CACNB4: variants seen among roughly 807,000 people sequenced by gnomAD.
CACNB4 encodes the protein calcium voltage-gated channel auxiliary subunit beta 4.
In CACNB4, 32 loss-of-function variants were observed where a neutral mutation model predicts 71.2. The ratio of observed to expected loss-of-function variants is 0.45; its 90% CI spans 0.34 to 0.60. The LOEUF (loss-of-function observed/expected upper bound fraction) is 0.60. Among genes scored for constraint, CACNB4 ranks in the 20% least tolerant of loss-of-function variants. The pLI is 0.01. For synonymous variants in CACNB4, 231 were observed against 236.9 expected (o/e 0.97, Z 0.23); for missense variants, 464 against 647.9 (o/e 0.72, Z 3.08).
intron 2 of CACNB4, among the ~76,000 whole-genome samples, chr2:152,097,658 C>T (rs1040302196): frequency 3.9e-5 from 6 of 152,170 alleles, no homozygotes; most frequent in Non-Finnish European, 5.9e-5. Context: ...AGACAATTCG[C>T]ACTAGAACCA....
chr2:151,896,426 T>C (rs115862394), intron 2 of CACNB4, among the ~76,000 whole-genome samples: 1,556 of 152,340 alleles, frequency 0.01, 22 homozygotes, highest in African/African-American at 0.035. Flanking sequence ...GTAAGAGCTA[T>C]GCCTACCCCT....
At position 151,874,836 on chromosome 2, in the gene CACNB4, T is replaced by G. The variant is rs1214576567; in HGVS notation, c.521+1590A>C. 7.6e-6 allele frequency: 3 copies of G among 396,428 alleles called. No homozygotes were observed. The East Asian group carries it at 1.1e-4, about 14-fold the overall frequency. 24.6% of individuals were successfully genotyped at this position (396,428 alleles called of 1,614,324 possible). On this transcript the variant is annotated intron_variant, in intron 5 of 13. Coordinates refer to ENST00000539935, the MANE Select transcript of CACNB4 (RefSeq NM_000726.5). Reference sequence around the variant, plus strand: ...TGATTTGGTTTCTCTTCTGTCAAGCTGTGCTTGTGTTCCTGGGACCTTTAA... The same window carrying G: ...TGATTTGGTTTCTCTTCTGTCAAGCGGTGCTTGTGTTCCTGGGACCTTTAA...
chr2:151,895,121 C>A (rs1283831093), intron 2 of CACNB4, among the ~76,000 whole-genome samples: 3 of 150,690 alleles, frequency 2.0e-5, no homozygotes, highest in African/African-American at 7.3e-5. Flanking sequence ...CACACACACA[C>A]ACACACACAC....
At chr2:151,877,249 A>G (rs1423815685) in intron 4 of CACNB4, among the ~76,000 whole-genome samples, 1 of 152,088 alleles carries the variant, frequency 6.6e-6, no homozygotes, top group Non-Finnish European at 1.5e-5. Flanking sequence ...CTCTGTTACA[A>G]TTAGTTGAAT....
intron 2 of CACNB4, among the ~76,000 whole-genome samples, chr2:152,016,987 T>C (rs1200920197): frequency 1.3e-5 from 2 of 150,660 alleles, no homozygotes; most frequent in Non-Finnish European, 1.5e-5. Flanking sequence ...TTGTTAAAGG[T>C]AGAACTGCAA....
intron 9 of CACNB4, chr2:151,867,084 T>C (rs1025088313): frequency 6.6e-6 from 1 of 152,244 alleles, no homozygotes; most frequent in African/African-American, 2.4e-5. Context: ...CGTATAAGTA[T>C]GTTATAGACC....
intron 2 of CACNB4, among the ~76,000 whole-genome samples, chr2:152,028,357 C>G (rs1005479378): frequency 1.3e-5 from 2 of 152,112 alleles, no homozygotes; most frequent in African/African-American, 2.4e-5. Flanking sequence ...TCATCAGGGC[C>G]CAGATTTACA....
intron 2 of CACNB4, among the ~76,000 whole-genome samples, chr2:151,904,990 A>G (rs1368650411): frequency 6.6e-6 from 1 of 152,190 alleles, no homozygotes; most frequent in Non-Finnish European, 1.5e-5. Flanking sequence ...TTTTTCAAAA[A>G]GAAGAACTAG....
At chr2:151,931,433 T>G (rs1410794172) in intron 2 of CACNB4, among the ~76,000 whole-genome samples, 1 of 152,210 alleles carries the variant, frequency 6.6e-6, no homozygotes, top group Non-Finnish European at 1.5e-5. Context: ...GGCCTGCTTA[T>G]CCAGTCTAGT....
At chr2:151,930,303 G>A (rs2099861324) in intron 2 of CACNB4, among the ~76,000 whole-genome samples, 1 of 152,052 alleles carries the variant, frequency 6.6e-6, no homozygotes, top group Non-Finnish European at 1.5e-5. Context: ...GGCTTTTGGG[G>A]CGAAAAAGTT....
In CACNB4 at chr2:151,913,159, AT is replaced by A. The variant is rs567199149; in HGVS notation, c.148-29790del. ...GTCTTTTAATTGGGGCATTTAGCCC[AT>A]TTACACTTAAGGTTAGTATTGCTAT... is the stretch of plus-strand genomic sequence containing the variant. On this transcript the variant is annotated intron_variant, in intron 2 of 13. Transcript: ENST00000539935. 3.3e-4 allele frequency among the ~76,000 whole-genome samples: 51 copies of A among 152,298 alleles called. No homozygotes were observed. In the Middle Eastern group the frequency reaches 0.017, roughly 51 times the overall value.
intron 2 of CACNB4, among the ~76,000 whole-genome samples, chr2:151,890,541 C>T (rs2099850479): frequency 2.0e-5 from 3 of 152,188 alleles, no homozygotes; most frequent in Non-Finnish European, 2.9e-5. Flanking sequence ...TAGGTCACTA[C>T]ATGGGGAGCA....
chr2:151,842,507 AT>A (rs111307319), intron 12 of CACNB4, among the ~76,000 whole-genome samples: 1 of 150,138 alleles, frequency 6.7e-6, no homozygotes, highest in Non-Finnish European at 1.5e-5. Context: ...ATTTTTTTGT[AT>A]TTTTTTTAGA....
At chr2:151,847,659 G>A (rs940859947) in intron 12 of CACNB4, among the ~76,000 whole-genome samples, 3 of 152,190 alleles carry the variant, frequency 2.0e-5, no homozygotes, top group African/African-American at 7.2e-5. Flanking sequence ...AGAACAAGGT[G>A]TGCAGGTCAC....
intron 2 of CACNB4, among the ~76,000 whole-genome samples, chr2:152,052,602 C>A (rs887900851): frequency 6.6e-6 from 1 of 152,290 alleles, no homozygotes; most frequent in South Asian, 2.1e-4. Context: ...CTGTTCACAT[C>A]ATCTTAAAGT....
chr2:151,924,755 C>T (rs1234168671), intron 2 of CACNB4, among the ~76,000 whole-genome samples: 3 of 152,194 alleles, frequency 2.0e-5, no homozygotes, highest in Non-Finnish European at 2.9e-5. Context: ...GAATGCCAGA[C>T]TGGCATTTTT....
intron 2 of CACNB4, among the ~76,000 whole-genome samples, chr2:151,903,034 A>G (rs2099853877): frequency 6.6e-6 from 1 of 152,202 alleles, no homozygotes; most frequent in South Asian, 2.1e-4. Context: ...GAAATTAAGT[A>G]CTTTACTGTG....
chr2:152,041,814 C>T (rs747588255), intron 2 of CACNB4, among the ~76,000 whole-genome samples: 1 of 152,200 alleles, frequency 6.6e-6, no homozygotes, highest in Non-Finnish European at 1.5e-5. Context: ...TTCTGTCTAG[C>T]ACTATTGCAA....
chr2:151,932,433 C>T (rs1284128458), intron 2 of CACNB4, among the ~76,000 whole-genome samples: 4 of 152,002 alleles, frequency 2.6e-5, no homozygotes, highest in African/African-American at 4.8e-5. Flanking sequence ...CAGTGGAGCT[C>T]GAGGTTATAG....
Sources: gnomAD v4.1 joint callset for allele counts (sites outside exome capture counted in the v4.1 genomes callset) on GRCh38, gnomAD v4.1.1 for gene constraint, MANE v1.5 for transcripts, NCBI Gene and HGNC (gene_info 2026-07-23, HGNC 2026-07-21) for gene names.